The following CTNNA3 variants were observed in gnomAD, a reference collection of about 807,000 sequenced individuals.
The protein encoded by CTNNA3 is catenin alpha-3.
A neutral mutation model predicts 95.7 loss-of-function variants in CTNNA3; 76 were observed. The ratio of observed to expected loss-of-function variants is 0.79; its 90% CI spans 0.66 to 0.96. The LOEUF (loss-of-function observed/expected upper bound fraction) is 0.96. CTNNA3 is among the 40% of genes least tolerant of loss of function. The pLI is 0.00. For missense variants in CTNNA3, 1,191 were observed against 1,089.8 expected (o/e 1.09, Z -1.31); for synonymous variants, 431 against 374.4 (o/e 1.15, Z -1.74).
At chr10:67,682,197 G>C (rs371057781) in intron 1 of CTNNA3, among the ~76,000 whole-genome samples, 1 of 151,760 alleles carries the variant, frequency 6.6e-6, no homozygotes, top group Admixed American at 6.6e-5. Context: ...CGTGGTGGTG[G>C]GCGCCTATAG....
chr10:67,503,807 G>A (rs546152806), intron 5 of CTNNA3, among the ~76,000 whole-genome samples: 4 of 152,266 alleles, frequency 2.6e-5, no homozygotes, highest in Middle Eastern at 3.4e-3. Flanking sequence ...TAGCAGCACT[G>A]TGCACAGCTC....
intron 11 of CTNNA3, among the ~76,000 whole-genome samples, chr10:66,430,987 T>C (rs1286571313): frequency 1.3e-5 from 2 of 151,468 alleles, no homozygotes; most frequent in African/African-American, 4.8e-5. Flanking sequence ...TGGGAGAAAA[T>C]TTTTGCAAAC....
chr10:67,062,405 C>T (rs140065222), intron 7 of CTNNA3, among the ~76,000 whole-genome samples: 2,143 of 152,252 alleles, frequency 0.014, 38 homozygotes, highest in African/African-American at 0.048. Flanking sequence ...TAAATGTCAG[C>T]GATGACTCAT....
At chr10:66,697,391 C>T (rs1462546100) in intron 9 of CTNNA3, among the ~76,000 whole-genome samples, 4 of 149,966 alleles carry the variant, frequency 2.7e-5, no homozygotes, top group Non-Finnish European at 5.9e-5. Context: ...TACACACGCA[C>T]ACATACAAAC....
intron 13 of CTNNA3, among the ~76,000 whole-genome samples, chr10:66,138,803 G>T (rs528692961): frequency 6.6e-6 from 1 of 152,186 alleles, no homozygotes. Context: ...AGGTTGCAGT[G>T]AGCTGAGATT....
At chr10:66,257,328 G>T (rs541947896) in intron 13 of CTNNA3, among the ~76,000 whole-genome samples, 18 of 152,268 alleles carry the variant, frequency 1.2e-4, no homozygotes, top group African/African-American at 4.3e-4. Context: ...TTTTCTCACA[G>T]GTATTGATGG....
chr10:66,967,123 A>G (rs1849467237), intron 7 of CTNNA3, among the ~76,000 whole-genome samples: 1 of 152,082 alleles, frequency 6.6e-6, no homozygotes, highest in African/African-American at 2.4e-5. Context: ...TCTGCTAATG[A>G]AACAATGGTT....
intron 1 of CTNNA3, chr10:67,665,464 A>G (rs1408245915): frequency 6.6e-6 from 1 of 152,218 alleles, no homozygotes; most frequent in African/African-American, 2.4e-5. Context: ...TATCTAACCG[A>G]GCAACAGATA....
At chr10:66,417,021 C>T (rs893066417) in intron 11 of CTNNA3, among the ~76,000 whole-genome samples, 6 of 151,840 alleles carry the variant, frequency 4.0e-5, no homozygotes, top group Non-Finnish European at 8.8e-5. Flanking sequence ...AAAATGACAG[C>T]AATAAAACCT....
chr10:66,930,378 G>T (rs776365479), intron 7 of CTNNA3, among the ~76,000 whole-genome samples: 1 of 152,090 alleles, frequency 6.6e-6, no homozygotes, highest in Non-Finnish European at 1.5e-5. Flanking sequence ...GGATGACTGA[G>T]CTTATTGTGA....
intron 11 of CTNNA3, among the ~76,000 whole-genome samples, chr10:66,384,160 T>A (rs2092868106): frequency 6.6e-6 from 1 of 152,004 alleles, no homozygotes. Context: ...GCATGTTGGA[T>A]AAAGAGTCAA....
intron 5 of CTNNA3, among the ~76,000 whole-genome samples, chr10:67,257,693 G>A (rs547578440): frequency 2.0e-5 from 3 of 152,106 alleles, no homozygotes; most frequent in Admixed American, 6.5e-5. Context: ...TTTGTCTTGC[G>A]TCATTTTTGT....
At chr10:67,615,226 A>C (rs988296176) in intron 2 of CTNNA3, among the ~76,000 whole-genome samples, 2 of 152,252 alleles carry the variant, frequency 1.3e-5, no homozygotes, top group African/African-American at 2.4e-5. Flanking sequence ...CACTGCTAAC[A>C]TAAGCCATTA....
intron 15 of CTNNA3, among the ~76,000 whole-genome samples, chr10:66,061,607 C>T (rs982707846): frequency 3.3e-5 from 5 of 151,896 alleles, no homozygotes; most frequent in African/African-American, 1.2e-4. Context: ...TTTCTAAGGC[C>T]TTTTATAACC....
Position 66,558,727 on chromosome 10 carries a change from T to C in CTNNA3, c.1375-37954A>G, listed in dbSNP as rs1842463979. On this transcript the variant is annotated intron_variant, in intron 10 of 17. Transcript: ENST00000433211. ...ATGACAAATTCATCAATGTTTATGG[T>C]ACACCTGTCAGCAAGAGTCTGAAAA... 2.0e-5 allele frequency among the ~76,000 whole-genome samples: 3 copies of C among 152,132 alleles called. No homozygotes were observed. The South Asian group carries it at 6.2e-4, about 32-fold the overall frequency.
At chr10:67,382,398 G>A (rs1205267029) in intron 5 of CTNNA3, among the ~76,000 whole-genome samples, 1 of 151,636 alleles carries the variant, frequency 6.6e-6, no homozygotes, top group South Asian at 2.1e-4. Flanking sequence ...AAACAGTGTA[G>A]GATAAATACA....
chr10:67,123,207 T>C (rs1859551882), intron 7 of CTNNA3, among the ~76,000 whole-genome samples: 1 of 149,078 alleles, frequency 6.7e-6, no homozygotes, highest in African/African-American at 2.4e-5. Flanking sequence ...AAAAGCTTTC[T>C]CTCCTTACCC....
intron 7 of CTNNA3, among the ~76,000 whole-genome samples, chr10:66,955,476 G>A (rs1848738329): frequency 2.0e-5 from 3 of 152,130 alleles, no homozygotes; most frequent in Non-Finnish European, 2.9e-5. Context: ...TTGCATGACA[G>A]TATGCATCTA....
intron 9 of CTNNA3, among the ~76,000 whole-genome samples, chr10:66,722,042 T>C (rs1848643357): frequency 6.6e-6 from 1 of 152,158 alleles, no homozygotes; most frequent in Non-Finnish European, 1.5e-5. Flanking sequence ...GAGGGTATTA[T>C]AGTATAACCA....
Sources: gnomAD v4.1 joint callset for allele counts (sites outside exome capture counted in the v4.1 genomes callset) on GRCh38, gnomAD v4.1.1 for gene constraint, MANE v1.5 for transcripts, NCBI Gene and HGNC (gene_info 2026-07-23, HGNC 2026-07-21) for gene names.